FRMD4A: variants seen among roughly 807,000 people sequenced by gnomAD.
The protein encoded by FRMD4A is FERM domain-containing protein 4A.
Under a neutral mutation model 129.1 loss-of-function variants are expected in FRMD4A, and 29 were observed. The observed-to-expected ratio is 0.22, with a 90% CI of 0.17 to 0.31. The LOEUF (loss-of-function observed/expected upper bound fraction) is 0.31. FRMD4A is among the 10% of genes least tolerant of loss of function. The pLI is 1.00. For synonymous variants in FRMD4A, 634 were observed against 571.6 expected (o/e 1.11, Z -1.56); for missense variants, 1,272 against 1,375.8 (o/e 0.92, Z 1.19).
rs184308472 is a variant in FRMD4A, at chr10:13,961,234, A to G, written c.46-102322T>C. ...AAAGACAACCCCATATCCTCTTTCC[A>G]TTTTTCAAAGGGAGTTAACACGACA... On this transcript the variant is annotated intron_variant, in intron 2 of 24. Transcript: ENST00000357447. Among the ~76,000 whole-genome samples the G allele has an allele frequency of 9.1e-4, 139 of 152,248 alleles. 1 individual carries two copies. The highest frequency in any genetic ancestry group is 3.4e-3 in the Middle Eastern group (1 of 294).
chr10:14,313,020 C>T (rs532935610), intron 2 of FRMD4A, among the ~76,000 whole-genome samples: 1 of 151,798 alleles, frequency 6.6e-6, no homozygotes, highest in Non-Finnish European at 1.5e-5. Flanking sequence ...AATGTATAAC[C>T]CTTTGTATTT....
chr10:14,304,381 T>A (rs1589287241), intron 2 of FRMD4A, among the ~76,000 whole-genome samples: 1 of 152,312 alleles, frequency 6.6e-6, no homozygotes, highest in Non-Finnish European at 1.5e-5. Context: ...TGCATTTCCC[T>A]AATGATGAGT....
intron 12 of FRMD4A, among the ~76,000 whole-genome samples, chr10:13,723,773 G>A (rs1222927410): frequency 2.0e-5 from 3 of 152,200 alleles, no homozygotes; most frequent in African/African-American, 4.8e-5. Flanking sequence ...GGTAGAAGAT[G>A]TACTCTTCTC....
At chr10:14,129,112 C>A (rs1184525086) in intron 2 of FRMD4A, among the ~76,000 whole-genome samples, 1 of 151,928 alleles carries the variant, frequency 6.6e-6, no homozygotes, top group Admixed American at 6.6e-5. Flanking sequence ...TCTCCAAACC[C>A]ATGACTTGCC....
intron 2 of FRMD4A, among the ~76,000 whole-genome samples, chr10:14,285,796 CCGACGTCAGGGAT>C (rs1270262616): frequency 1.3e-5 from 2 of 152,322 alleles, no homozygotes; most frequent in East Asian, 3.9e-4. Flanking sequence ...AACTCATGAT[CCGACGTCAGGGAT>C]CACTGCCAGC....
At chr10:13,692,421 T>TA (rs1234738227) in intron 15 of FRMD4A, 1 of 152,240 alleles carries the variant, frequency 6.6e-6, no homozygotes, top group African/African-American at 2.4e-5. Context: ...GTGCTGAGAT[T>TA]ACAGGCCTGA....
intron 2 of FRMD4A, chr10:13,971,741 C>T (rs533011420): frequency 3.2e-5 from 42 of 1,304,392 alleles, no homozygotes; most frequent in South Asian, 6.2e-5. Context: ...CCTCAGCGCC[C>T]GACAAGTCAG....
intron 2 of FRMD4A, among the ~76,000 whole-genome samples, chr10:14,239,036 T>A (rs945787690): frequency 3.9e-5 from 6 of 152,204 alleles, no homozygotes; most frequent in African/African-American, 1.4e-4. Flanking sequence ...TGTAAAAATA[T>A]GTGTCAATAT....
intron 3 of FRMD4A, among the ~76,000 whole-genome samples, chr10:13,856,342 T>C (rs2094214203): frequency 6.6e-6 from 1 of 151,964 alleles, no homozygotes; most frequent in Non-Finnish European, 1.5e-5. Flanking sequence ...CTTAGGTTTG[T>C]CCATTCTTTC....
chr10:13,741,642 G>A (rs1411528458), intron 9 of FRMD4A, among the ~76,000 whole-genome samples: 1 of 152,118 alleles, frequency 6.6e-6, no homozygotes, highest in Admixed American at 6.5e-5. Context: ...ATGGGGGAAT[G>A]GCAGGCATTG....
chr10:13,770,237 A>C lies in FRMD4A; in HGVS notation c.385-7557T>G, dbSNP rs558864515. Among the ~76,000 whole-genome samples, 10 of 151,906 alleles carry C rather than the reference A, an allele frequency of 6.6e-5. 1 individual carries two copies. In the South Asian group the frequency reaches 2.1e-3, roughly 32 times the overall value. On this transcript the variant is annotated intron_variant, in intron 6 of 24. Coordinates refer to ENST00000357447, the MANE Select transcript of FRMD4A (RefSeq NM_018027.5). ...CTGATGCGATCTCGCACAATTCCTCATTCTTAGTCCTCTGCCAGTTTTTCA... is the reference window on the plus strand; with the variant it reads ...CTGATGCGATCTCGCACAATTCCTCCTTCTTAGTCCTCTGCCAGTTTTTCA...
chr10:14,235,591 A>G (rs193041826), intron 2 of FRMD4A, among the ~76,000 whole-genome samples: 1 of 152,300 alleles, frequency 6.6e-6, no homozygotes, highest in African/African-American at 2.4e-5. Flanking sequence ...GGTGTTTGTT[A>G]CTGAACACTT....
chr10:14,231,751 T>C (rs979170825), intron 2 of FRMD4A, among the ~76,000 whole-genome samples: 1 of 152,186 alleles, frequency 6.6e-6, no homozygotes, highest in Admixed American at 6.5e-5. Flanking sequence ...TTTGTTTATG[T>C]TTTTTGCTCA....
chr10:13,685,208 T>G, intron 15 of FRMD4A: 1 of 984,646 alleles, frequency 1.0e-6, no homozygotes, highest in Non-Finnish European at 1.2e-6. Context: ...AGAAATAAAA[T>G]AGTTCATTTC....
chr10:14,149,433 G>A (rs1840236473), intron 2 of FRMD4A, among the ~76,000 whole-genome samples: 1 of 152,068 alleles, frequency 6.6e-6, no homozygotes, highest in South Asian at 2.1e-4. Context: ...TTAAACTCCT[G>A]GGCTCAAGTG....
intron 2 of FRMD4A, among the ~76,000 whole-genome samples, chr10:13,940,808 A>C (rs1018319052): frequency 6.6e-6 from 1 of 152,176 alleles, no homozygotes; most frequent in Non-Finnish European, 1.5e-5. Flanking sequence ...CTATAGATTC[A>C]TGGAAGGTTA....
chr10:14,108,674 C>A (rs1331722856), intron 2 of FRMD4A, among the ~76,000 whole-genome samples: 1 of 152,148 alleles, frequency 6.6e-6, no homozygotes, highest in Non-Finnish European at 1.5e-5. Context: ...AGAAAGAACA[C>A]ACTTAAAGGC....
intron 2 of FRMD4A, among the ~76,000 whole-genome samples, chr10:13,912,549 G>A (rs2094953290): frequency 8.0e-6 from 1 of 124,662 alleles, no homozygotes; most frequent in Admixed American, 8.9e-5. Flanking sequence ...TTTTTTTTGA[G>A]ATGGAGTCTC....
At chr10:14,169,670 C>T (rs1176314746) in intron 2 of FRMD4A, among the ~76,000 whole-genome samples, 1 of 152,042 alleles carries the variant, frequency 6.6e-6, no homozygotes, top group Admixed American at 6.6e-5. Context: ...CTCAGAGGCC[C>T]CTTCAGATTA....
Sources: gnomAD v4.1 joint callset for allele counts (sites outside exome capture counted in the v4.1 genomes callset) on GRCh38, gnomAD v4.1.1 for gene constraint, MANE v1.5 for transcripts, NCBI Gene and HGNC (gene_info 2026-07-23, HGNC 2026-07-21) for gene names.